NPIPB11: variants seen among roughly 807,000 people sequenced by gnomAD.
NPIPB11 encodes the protein nuclear pore complex interacting protein family member B11.
In NPIPB11, 17 loss-of-function variants were observed where a neutral mutation model predicts 32.8. That is an observed-to-expected ratio of 0.52 (90% CI 0.35 to 0.78). NPIPB11 has a LOEUF of 0.78. Ranked by LOEUF, NPIPB11 falls within the 30% of genes least tolerant of loss-of-function variation. The pLI, the probability that NPIPB11 is intolerant of heterozygous loss-of-function variation, is 0.01. For missense variants in NPIPB11, 537 were observed against 1,000.4 expected, an observed-to-expected ratio of 0.54 and a Z score of 6.25; for synonymous variants, 209 against 398.4, an observed-to-expected ratio of 0.52 and a Z score of 5.66.
chr16:29,405,155 T>C (rs1343628232), upstream of NPIPB11, among the ~76,000 whole-genome samples: 2 of 152,016 alleles, frequency 1.3e-5, no homozygotes, highest in East Asian at 3.9e-4. Context: ...GAAACATTAG[T>C]GCAAATGTTG....
rs1963569164 is a variant in NPIPB11 at position 29,384,075 on chromosome 16, GGAGGTGT to G, written c.850_856del (p.Thr284ProfsTer311). 2 of 1,244,266 alleles carry G rather than the reference GGAGGTGT, an allele frequency of 1.6e-6. No homozygotes were observed. The highest frequency in any genetic ancestry group is 5.2e-5 in the African/African-American group (2 of 38,328). 77.1% of individuals were successfully genotyped at this position (1,244,266 alleles called of 1,614,324 possible). Reference sequence around the variant, plus strand: ...TGGAAGGGGAGTGAGCAGACACTCGGGAGGTGTCTTGAGATTATCATCCGCTGAGGGT... The same window carrying G: ...TGGAAGGGGAGTGAGCAGACACTCGGCTTGAGATTATCATCCGCTGAGGGT... On this transcript the variant is annotated frameshift_variant, in exon 8 of 8. Coordinates refer to ENST00000524087, the Ensembl canonical transcript of NPIPB11. LOFTEE classifies it low-confidence loss of function (END_TRUNC).
At chr16:29,397,777 G>C (rs1435148662) in intron 2 of NPIPB11, 3 of 163,416 alleles carry the variant, frequency 1.8e-5, no homozygotes, top group Non-Finnish European at 3.2e-5. Context: ...AGGGGGAAGG[G>C]AAGGGGAGGG....
At chr16:29,400,062 A>T (rs1363458256) in intron 2 of NPIPB11, among the ~76,000 whole-genome samples, 2 of 151,812 alleles carry the variant, frequency 1.3e-5, no homozygotes, top group African/African-American at 4.8e-5. Flanking sequence ...GGGTGACAGA[A>T]TGGAATGAGA....
rs1274409135 is a variant in NPIPB11, at chr16:29,397,597, G to A, written c.121-3521C>T. On this transcript the variant is annotated intron_variant, in intron 2 of 7. Coordinates refer to ENST00000524087, the Ensembl canonical transcript of NPIPB11. ...ATGCACTGATGGCTGATAAATTCCAGCAGGAGCCCAAAGAGGAGCCAAAAG... is the reference window on the plus strand; with the variant it reads ...ATGCACTGATGGCTGATAAATTCCAACAGGAGCCCAAAGAGGAGCCAAAAG... 9 of 1,515,220 alleles carry A rather than the reference G, an allele frequency of 5.9e-6. No individual in the cohort carries two copies. The Admixed American group carries it at 9.9e-5, about 17-fold the overall frequency. The allele number at this position is 1,515,220 out of a possible 1,614,324, so 93.9% of individuals were successfully genotyped here.
intron 3 of NPIPB11, among the ~76,000 whole-genome samples, chr16:29,392,364 C>T (rs1963744151): frequency 6.6e-6 from 1 of 151,404 alleles, no homozygotes; most frequent in African/African-American, 2.4e-5. Flanking sequence ...TTGTCCAAGT[C>T]CAACAGCTCA....
intron 2 of NPIPB11, among the ~76,000 whole-genome samples, chr16:29,400,896 C>A (rs1316713265): frequency 6.6e-6 from 1 of 152,058 alleles, no homozygotes; most frequent in Non-Finnish European, 1.5e-5. Flanking sequence ...TGGCTGACCA[C>A]TACCCCCACT....
chr16:29,397,323 C>G (rs1016853162), intron 2 of NPIPB11, among the ~76,000 whole-genome samples: 1 of 151,970 alleles, frequency 6.6e-6, no homozygotes, highest in Admixed American at 6.5e-5. Context: ...CCTCCCACCT[C>G]AGCCTCTCCA....
chr16:29,389,257 C>T (rs1337328673), intron 5 of NPIPB11, among the ~76,000 whole-genome samples: 3 of 148,060 alleles, frequency 2.0e-5, no homozygotes, highest in Admixed American at 6.8e-5. Flanking sequence ...CCAAGCTACT[C>T]GGGAGGCTGA....
chr16:29,383,314 T>A lies in NPIPB11; in HGVS notation c.1618A>T (p.Thr540Ser). The A allele has an allele frequency of 2.6e-6, 4 of 1,545,202 alleles. 1 individual carries two copies. The highest frequency in any genetic ancestry group is 3.5e-6 in the Non-Finnish European group (4 of 1,148,054). ...GGCCCCCGCAGATGCTCGGCAGTTG[T>A]CTTGATATTATCATCTGCTGAGGGT... Residue 540 changes from threonine (T) to serine (S), a missense_variant, in exon 8 of 8, where the codon ACA (threonine) becomes TCA (serine). Physicochemically the swap from Thr to Ser is moderately conservative, Grantham distance 58. Transcript: ENST00000524087.
chr16:29,392,218 A>T (rs926983943), intron 3 of NPIPB11, among the ~76,000 whole-genome samples: 1 of 152,166 alleles, frequency 6.6e-6, no homozygotes, highest in Admixed American at 6.6e-5. Context: ...GCTAGGAGAA[A>T]TGTCAAACAC....
At chr16:29,399,791 A>C (rs553770598) in intron 2 of NPIPB11, among the ~76,000 whole-genome samples, 5 of 151,744 alleles carry the variant, frequency 3.3e-5, no homozygotes, top group Non-Finnish European at 7.4e-5. Context: ...TTCCAGCCCT[A>C]GATTTGGCTG....
intron 4 of NPIPB11, 55 bp from the exon 5 acceptor site, chr16:29,390,191 C>T: frequency 2.6e-6 from 4 of 1,549,916 alleles, no homozygotes; most frequent in Non-Finnish European, 3.5e-6. Context: ...AGAAGCTGTT[C>T]TTTCCCTTTC....
rs71214272 is a variant in NPIPB11, at chr16:29,402,724, CTGTGTGTG to C, written c.120+951_120+958del. Among the ~76,000 whole-genome samples, 174 of 119,664 alleles carry C rather than the reference CTGTGTGTG, an allele frequency of 1.5e-3. 1 individual carries two copies. The highest frequency in any genetic ancestry group is 4.6e-3 in the African/African-American group (142 of 30,766). 78.5% of individuals were successfully genotyped at this position (119,664 alleles called of 152,430 possible). On this transcript the variant is annotated intron_variant, in intron 2 of 7. Coordinates refer to ENST00000524087, the Ensembl canonical transcript of NPIPB11. The stretch of plus-strand genomic sequence containing the variant: ...TCTCTCTCTCTCTCTCTCTCTCTCT[CTGTGTGTG>C]TGTGTGTGTGTGTGTGTGTGTGTGT...
At chr16:29,382,270 G>T (rs768154030) in exon 8 of NPIPB11, 1 of 1,604,638 alleles carries the variant, frequency 6.2e-7, no homozygotes, top group Non-Finnish European at 8.5e-7. Flanking sequence ...GGTGGAAGCG[G>T]AACCCACAGA....
intron 5 of NPIPB11, among the ~76,000 whole-genome samples, chr16:29,389,035 A>G (rs1251564922): frequency 4.0e-5 from 6 of 150,748 alleles, no homozygotes; most frequent in South Asian, 2.1e-4. Context: ...CCTCTACTAA[A>G]AATACAAAAA....
intron 2 of NPIPB11, among the ~76,000 whole-genome samples, chr16:29,396,804 G>C (rs1452704073): frequency 6.7e-6 from 1 of 149,532 alleles, no homozygotes; most frequent in East Asian, 2.0e-4. Flanking sequence ...CTTGAAAGGG[G>C]GTCGGTTTAT....
rs1049916373 is a variant in NPIPB11 at position 29,399,936 on chromosome 16, G to T, written c.120+3747C>A. Among the ~76,000 whole-genome samples, 9 of 151,586 alleles carry T rather than the reference G, an allele frequency of 5.9e-5. 1 individual carries two copies. Among genetic ancestry groups the T allele is most frequent in the African/African-American group, 1.9e-4 (8 of 41,320 alleles). On this transcript the variant is annotated intron_variant, in intron 2 of 7. Coordinates refer to ENST00000524087, the Ensembl canonical transcript of NPIPB11. ...TACTAAAAATACAAAAATTAGCCAG[G>T]CACGGTGGCACCCGCCTGTAATCCC...
intron 5 of NPIPB11, among the ~76,000 whole-genome samples, chr16:29,389,668 G>GAAAGAAAAAAAAAA (rs1262451402): frequency 5.8e-5 from 1 of 17,300 alleles, no homozygotes; most frequent in Admixed American, 7.6e-4. Context: ...TCCATCTCAG[G>GAAAGAAAAAAAAAA]AAAAAAAAAA....
upstream of NPIPB11, among the ~76,000 whole-genome samples, chr16:29,405,191 G>A (rs1964086205): frequency 6.6e-6 from 1 of 152,032 alleles, no homozygotes; most frequent in South Asian, 2.1e-4. Flanking sequence ...ATGTCCGCAT[G>A]TTTTAGGAAA....
Sources: allele counts gnomAD v4.1 joint callset (sites outside exome capture counted in the v4.1 genomes callset), GRCh38; gene constraint gnomAD v4.1.1; transcripts MANE v1.5; gene names NCBI Gene and HGNC (gene_info 2026-07-23, HGNC 2026-07-21).